Variants in THEMIS2 observed in about 807,000 individuals in gnomAD.
THEMIS2 encodes the protein thymocyte selection associated family member 2.
Under a neutral mutation model 46.8 loss-of-function variants are expected in THEMIS2, and 29 were observed. That is an observed-to-expected ratio of 0.62 (90% CI 0.46 to 0.84). The LOEUF is 0.84. THEMIS2 is among the 40% of genes least tolerant of loss of function. The probability of loss-of-function intolerance (pLI) is 0.00; values close to 1 mark genes in which losing one functional copy is unlikely to be tolerated. For synonymous variants in THEMIS2, 335 were observed against 349.1 expected, an observed-to-expected ratio of 0.96 and a Z score of 0.45; for missense variants, 698 against 834.7, an observed-to-expected ratio of 0.84 and a Z score of 2.02.
At chr1:27,876,839 C>A in intron 2 of THEMIS2, 111 bp downstream of exon 2, 1 of 1,343,346 alleles carries the variant, frequency 7.4e-7, no homozygotes, top group Non-Finnish European at 1.0e-6. Context: ...TCGGGGTTTG[C>A]TCCCGAGGCC....
At chr1:27,874,651 G>A (rs879756245) in intron 1 of THEMIS2, among the ~76,000 whole-genome samples, 5 of 151,402 alleles carry the variant, frequency 3.3e-5, no homozygotes, top group Non-Finnish European at 5.9e-5. Context: ...GTGTGATGGT[G>A]CATGCCTGTA....
chr1:27,881,700 C>A (rs1342002730), intron 3 of THEMIS2, among the ~76,000 whole-genome samples: 3 of 151,806 alleles, frequency 2.0e-5, no homozygotes, highest in South Asian at 4.2e-4. Flanking sequence ...TGGTGGCGGG[C>A]GCCTGTAATC....
At chr1:27,883,133 CTGTGTAAACTTGTAGTTT>C in intron 4 of THEMIS2, 90 bp downstream of exon 4, 2 of 1,133,732 alleles carry the variant, frequency 1.8e-6, no homozygotes, top group Non-Finnish European at 2.5e-6. Context: ...TCTCTTGCAA[CTGTGTAAACTTGTAGTTT>C]ATAAACTTGC....
intron 4 of THEMIS2, chr1:27,883,629 G>A (rs1386073500): frequency 2.0e-5 from 3 of 152,344 alleles, no homozygotes; most frequent in East Asian, 1.9e-4. Flanking sequence ...TCCAGCGAGA[G>A]AAATGCCCGC....
intron 5 of THEMIS2, 109 bp from the exon 6 acceptor site, chr1:27,885,758 T>G (rs2089759748): frequency 9.1e-7 from 1 of 1,097,880 alleles, no homozygotes; most frequent in Non-Finnish European, 1.4e-6. Flanking sequence ...GCAAAGACCG[T>G]AGGGCATCCA....
Position 27,882,157 on chromosome 1 carries a change from C to T in THEMIS2, c.833C>T (p.Pro278Leu), listed in dbSNP as rs748011985. Residue 278 changes from proline (P) to leucine (L), a missense_variant, in exon 4 of 6, where the codon CCG becomes CTG. Coordinates refer to ENST00000373921, the MANE Select transcript of THEMIS2 (RefSeq NM_001105556.3). This position sits in a 1 kb window ranked among gnomAD's most constrained non-coding sequence, Gnocchi z 7.6. The stretch of plus-strand genomic sequence containing the variant: ...GAGGGCCGCCCCATCTTCCTCAGCC[C>T]GTGGGTGGGCTCCTTGCAAAAAGGC... ...VPEGRPIFLS[P>L]WVGSLQKGQR... is the part of the protein sequence containing the mutation. 4.3e-6 allele frequency: 7 copies of T among 1,614,172 alleles called. No individual in the cohort carries two copies. Among genetic ancestry groups the T allele is most frequent in the Admixed American group, 1.7e-5 (1 of 60,022 alleles).
intron 1 of THEMIS2, among the ~76,000 whole-genome samples, chr1:27,874,876 A>G (rs972386452): frequency 7.9e-5 from 12 of 150,980 alleles, no homozygotes; most frequent in African/African-American, 2.4e-4. Flanking sequence ...TGGGATTACA[A>G]GCGTGAGCCA....
intron 3 of THEMIS2, among the ~76,000 whole-genome samples, chr1:27,880,310 G>A (rs1228803204): frequency 1.3e-5 from 2 of 151,880 alleles, no homozygotes. Flanking sequence ...TCAGCCTCCC[G>A]AGTAGCTGGG....
intron 2 of THEMIS2, among the ~76,000 whole-genome samples, chr1:27,877,454 T>C (rs1001120885): frequency 7.2e-5 from 11 of 152,020 alleles, no homozygotes; most frequent in Admixed American, 2.0e-4. Context: ...GCCTCCCGAG[T>C]AGCTGGGACT....
chr1:27,880,163 G>A, intron 3 of THEMIS2, 109 bp downstream of exon 3: 2 of 1,280,272 alleles, frequency 1.6e-6, no homozygotes, highest in South Asian at 3.1e-5. Flanking sequence ...AGGATCAGCT[G>A]GAACTTCAGG....
At position 27,872,935 on chromosome 1, in the gene THEMIS2, T is replaced by C. The variant is rs2089513675; in HGVS notation, c.94+270T>C. 6.6e-6 allele frequency among the ~76,000 whole-genome samples: 1 copy of C among 152,124 alleles called. No homozygotes were observed. The highest frequency in any genetic ancestry group is 1.5e-5 in the Non-Finnish European group (1 of 68,006). On this transcript the variant is annotated intron_variant, in intron 1 of 5. Coordinates refer to ENST00000373921, the MANE Select transcript of THEMIS2 (RefSeq NM_001105556.3). The surrounding 1 kb of genome is among the most constrained non-coding windows in gnomAD (Gnocchi z 4.9). Reference sequence around the variant, plus strand: ...GAGGTGGATGCAGCCGGGCCACTCCTAGGTGGCCCCGCGGTGCGCATGGGA... The same window carrying C: ...GAGGTGGATGCAGCCGGGCCACTCCCAGGTGGCCCCGCGGTGCGCATGGGA...
At chr1:27,876,523 C>A in intron 1 of THEMIS2, 65 bp from the exon 2 acceptor site, 1 of 1,574,574 alleles carries the variant, frequency 6.4e-7, no homozygotes, top group Non-Finnish European at 8.7e-7. Flanking sequence ...TGTTGGGCAC[C>A]AGGGCACAGG....
rs536957485 is a variant in THEMIS2 at position 27,880,393 on chromosome 1, C to T, written c.646+339C>T. Among the ~76,000 whole-genome samples, 46 of 152,186 alleles carry T rather than the reference C, an allele frequency of 3.0e-4. 1 individual carries two copies. The highest frequency in any genetic ancestry group is 2.1e-3 in the South Asian group (10 of 4,824). ...TAGAAACGGAGTGTCACCATGTTAG[C>T]GAGGCAGGTCTTGAACTCCTGACCT... On this transcript the variant is annotated intron_variant, in intron 3 of 5. Transcript: ENST00000373921.
At position 27,882,867 on chromosome 1, in the gene THEMIS2, C is replaced by T; in HGVS notation, c.1543C>T (p.Gln515Ter). The T allele has an allele frequency of 1.9e-6, 3 of 1,613,996 alleles. No homozygotes were observed. Among genetic ancestry groups the T allele is most frequent in the Non-Finnish European group, 2.5e-6 (3 of 1,179,976 alleles). The change falls in exon 4 of 6, where the codon CAG becomes TAG. Residue 515 changes from glutamine (Q) to a stop codon, truncating the protein, a stop_gained. Coordinates refer to ENST00000373921, the MANE Select transcript of THEMIS2 (RefSeq NM_001105556.3). LOFTEE classifies it high-confidence loss of function. This position sits in a 1 kb window ranked among gnomAD's most constrained non-coding sequence, Gnocchi z 7.6. Reference protein sequence around the residue: ...LDLTVVKAKGQPDLPEGSLPI... With the variant: ...LDLTVVKAKG ...CCTGACTGTTGTGAAGGCCAAGGGGCAGCCAGACTTGCCAGAGGGGTCTCT... is the reference window on the plus strand; with the variant it reads ...CCTGACTGTTGTGAAGGCCAAGGGGTAGCCAGACTTGCCAGAGGGGTCTCT...
rs1422209548 is a variant in THEMIS2 at position 27,872,578 on chromosome 1, C to T, written c.7C>T (p.Pro3Ser). ME[P>S]VPLQDFVRAL... Reference sequence around the variant, plus strand: ...CCAGAGAGCCGCGGGGACCATGGAGCCGGTGCCGCTGCAGGACTTCGTGCG... The same window carrying T: ...CCAGAGAGCCGCGGGGACCATGGAGTCGGTGCCGCTGCAGGACTTCGTGCG... The change falls in exon 1 of 6, where the codon CCG (proline) becomes TCG (serine). Residue 3 changes from proline to serine, a missense_variant. Transcript: ENST00000373921. The surrounding 1 kb of genome is among the most constrained non-coding windows in gnomAD (Gnocchi z 4.9). The T allele has an allele frequency of 2.0e-6, 3 of 1,489,148 alleles. No homozygotes were observed. The highest frequency in any genetic ancestry group is 1.8e-6 in the Non-Finnish European group (2 of 1,122,192). The allele number at this position is 1,489,148 out of a possible 1,614,324, so 92.2% of individuals were successfully genotyped here.
Position 27,879,463 on chromosome 1 carries a change from C to A in THEMIS2, c.236-181C>A, listed in dbSNP as rs1571583270. On this transcript the variant is annotated intron_variant, in intron 2 of 5. Coordinates refer to ENST00000373921, the MANE Select transcript of THEMIS2 (RefSeq NM_001105556.3). ...CTGTCCCTTCATGCACTGCCACTTTCTGCCCTGTGTCCCTCAGCCCTGCAG... is the reference window on the plus strand; with the variant it reads ...CTGTCCCTTCATGCACTGCCACTTTATGCCCTGTGTCCCTCAGCCCTGCAG... Among the ~76,000 whole-genome samples the A allele has an allele frequency of 2.0e-5, 3 of 152,156 alleles. No individual in the cohort carries two copies. The South Asian group carries it at 6.2e-4, about 31-fold the overall frequency.
chr1:27,885,324 C>T lies in THEMIS2; in HGVS notation c.1749C>T (p.His583=), dbSNP rs61744137. Reference sequence around the variant, plus strand: ...CTCAAGTCTTAGGATTGCAGCAACACGCTCGGCTGCCCAAACCCAAGGCGA... The same window carrying T: ...CTCAAGTCTTAGGATTGCAGCAACATGCTCGGCTGCCCAAACCCAAGGCGA... ...KSSQVLGLQQ[H]ARLPKPKAKT... The change falls in exon 5 of 6, where the codon CAC becomes CAT. Residue 583 remains histidine, a synonymous_variant. Transcript: ENST00000373921. 8.6e-3 allele frequency: 13,889 copies of T among 1,614,120 alleles called. 975 individuals are homozygous for T. The African/African-American group carries it at 0.16, about 18-fold the overall frequency.
At chr1:27,881,936 G>A in intron 3 of THEMIS2, 35 bp from the exon 4 acceptor site, 3 of 1,548,820 alleles carry the variant, frequency 1.9e-6, no homozygotes, top group Non-Finnish European at 2.6e-6. Flanking sequence ...CTCCTGGGGT[G>A]GCATGCAGTG....
intron 4 of THEMIS2, chr1:27,883,416 G>A (rs2089719401): frequency 5.1e-6 from 1 of 197,572 alleles, no homozygotes; most frequent in African/African-American, 2.3e-5. Context: ...TACTTCAGCA[G>A]GCTCTTACAA....
Sources: gnomAD v4.1 joint callset for allele counts (sites outside exome capture counted in the v4.1 genomes callset) on GRCh38, gnomAD v4.1.1 for gene constraint, Gnocchi (gnomAD v3.1) non-coding constraint, MANE v1.5 for transcripts, NCBI Gene and HGNC (gene_info 2026-07-23, HGNC 2026-07-21) for gene names.